The following UBA2 variants were observed in gnomAD, a reference collection of about 807,000 sequenced individuals.
UBA2 encodes SUMO-activating enzyme subunit 2.
In UBA2, 11 loss-of-function variants were observed where a neutral mutation model predicts 77.2. The observed-to-expected ratio is 0.14, with a 90% confidence interval of 0.09 to 0.24. The LOEUF is 0.24. Among genes scored for constraint, UBA2 ranks in the 10% least tolerant of loss-of-function variants. UBA2 has a pLI of 1.00. For synonymous variants in UBA2, 278 were observed against 276.7 expected, an observed-to-expected ratio of 1.00 and a Z score of -0.05; for missense variants, 487 against 781.7, an observed-to-expected ratio of 0.62 and a Z score of 4.50.
At chr19:34,440,206 C>T (rs756006157) in intron 6 of UBA2, among the ~76,000 whole-genome samples, 8 of 151,332 alleles carry the variant, frequency 5.3e-5, no homozygotes, top group African/African-American at 7.3e-5. Flanking sequence ...CATCTGTAGT[C>T]CCAGCTACTT....
At chr19:34,438,515 TA>T in intron 5 of UBA2, 129 bp from the exon 6 acceptor site, 1 of 1,138,472 alleles carries the variant, frequency 8.8e-7, no homozygotes, top group Non-Finnish European at 1.2e-6. Context: ...TTGGAGTCAC[TA>T]ATATTTTAAA....
intron 15 of UBA2, among the ~76,000 whole-genome samples, chr19:34,465,970 G>A (rs2075683153): frequency 6.6e-6 from 1 of 152,144 alleles, no homozygotes; most frequent in African/African-American, 2.4e-5. Context: ...GAAGCATGGT[G>A]TAGCTTGTAA....
chr19:34,441,742 G>A (rs892807963), intron 6 of UBA2, among the ~76,000 whole-genome samples: 3 of 151,768 alleles, frequency 2.0e-5, no homozygotes, highest in African/African-American at 2.4e-5. Context: ...GCAACATGGC[G>A]AAACCCTGTC....
Position 34,431,892 on chromosome 19 carries a change from C to G in UBA2, c.254C>G (p.Pro85Arg). 6.2e-7 allele frequency: 1 copy of G among 1,613,750 alleles called. No individual in the cohort carries two copies. The highest frequency in any genetic ancestry group is 8.5e-7 in the Non-Finnish European group (1 of 1,179,914). ...AAGGAAAGTGTACTGCAGTTTTACC[C>G]GAAAGCTAATATCGTTGCCTACCAT... ...VAKESVLQFY[P>R]KANIVAYHDS... The change falls in exon 3 of 17, where the codon CCG becomes CGG. Residue 85 changes from proline (P) to arginine (R), a missense_variant. By Grantham distance (103) the Pro-to-Arg change is moderately radical. This residue lies in a region of UBA2 where 66 missense variants were observed against 112.0 expected (regional missense o/e 0.59). Coordinates refer to ENST00000246548, the MANE Select transcript of UBA2 (RefSeq NM_005499.3).
chr19:34,455,221 G>A (rs186772872), intron 12 of UBA2, among the ~76,000 whole-genome samples: 126 of 152,188 alleles, frequency 8.3e-4, no homozygotes, highest in Admixed American at 4.6e-3. Flanking sequence ...AAACCTGCAC[G>A]TGCCCTATGT....
rs1230808289 is a variant in UBA2 at position 34,470,257 on chromosome 19, T to G, written c.*1036T>G. On this transcript the variant is annotated 3_prime_UTR_variant, in exon 17 of 17. Coordinates refer to ENST00000246548, the MANE Select transcript of UBA2 (RefSeq NM_005499.3). ...CCAGGGCGATGAGTGAAACTCCATC[T>G]CAAAAAAGGTTCAGAAGATCTCCAC... 6.6e-6 allele frequency: 1 copy of G among 152,038 alleles called. No individual in the cohort carries two copies. The highest frequency in any genetic ancestry group is 1.5e-5 in the Non-Finnish European group (1 of 68,006). 9.4% of individuals were successfully genotyped at this position (152,038 alleles called of 1,614,324 possible). A position where few individuals can be genotyped will look rare whatever the true frequency, so the allele number is the denominator to read the frequency against.
chr19:34,458,445 A>G (rs1199835428), intron 12 of UBA2, among the ~76,000 whole-genome samples: 2 of 151,262 alleles, frequency 1.3e-5, no homozygotes, highest in African/African-American at 2.4e-5. Flanking sequence ...CTGTAGTCCC[A>G]GCTACTCGGG....
intron 1 of UBA2, among the ~76,000 whole-genome samples, chr19:34,429,427 A>C (rs150967930): frequency 1.0e-3 from 152 of 152,306 alleles, no homozygotes; most frequent in Middle Eastern, 6.8e-3. Flanking sequence ...CGGGTGGCCG[A>C]CTGAGTCATT....
chr19:34,465,051 A>G (rs934960195), intron 15 of UBA2, among the ~76,000 whole-genome samples: 1 of 152,064 alleles, frequency 6.6e-6, no homozygotes, highest in Non-Finnish European at 1.5e-5. Context: ...AAAAAAAGGA[A>G]TTGTCTGTAC....
Position 34,464,028 on chromosome 19 carries a change from A to G in UBA2, c.1501A>G (p.Asn501Asp). Residue 501 changes from asparagine to aspartate, a missense_variant and splice_region_variant, in exon 15 of 17, where the codon AAT becomes GAT. By Grantham distance (23) the Asn-to-Asp change is conservative. Coordinates refer to ENST00000246548, the MANE Select transcript of UBA2 (RefSeq NM_005499.3). ...ISSEEGETEANNHKKLSEFGI... is the reference protein window; with the variant it reads ...ISSEEGETEADNHKKLSEFGI... Reference sequence around the variant, plus strand: ...TCTAAATTATTCACGTTTCCTAGCTAATAATCACAAGAAGTTGTCAGAATT... The same window carrying G: ...TCTAAATTATTCACGTTTCCTAGCTGATAATCACAAGAAGTTGTCAGAATT... 2 of 1,608,674 alleles carry G rather than the reference A, an allele frequency of 1.2e-6. No individual in the cohort carries two copies. Among genetic ancestry groups the G allele is most frequent in the Non-Finnish European group, 1.7e-6 (2 of 1,175,086 alleles).
At chr19:34,446,244 C>G (rs1232342203) in intron 8 of UBA2, among the ~76,000 whole-genome samples, 3 of 152,200 alleles carry the variant, frequency 2.0e-5, no homozygotes, top group Non-Finnish European at 4.4e-5. Context: ...AGTATTCTTG[C>G]AACTCTCACT....
intron 12 of UBA2, among the ~76,000 whole-genome samples, chr19:34,455,070 T>C (rs1407093594): frequency 4.6e-5 from 7 of 152,238 alleles, no homozygotes. Context: ...ATTAGAATTG[T>C]GTCTGGTAAT....
intron 12 of UBA2, among the ~76,000 whole-genome samples, chr19:34,457,041 A>C (rs1190674892): frequency 6.7e-6 from 1 of 150,136 alleles, no homozygotes; most frequent in Non-Finnish European, 1.5e-5. Context: ...TAATAGTAAT[A>C]TATCTGGCCG....
chr19:34,456,119 T>TTTTTTTTTTTTTTTTTTTTTTTC (rs2075559497), intron 12 of UBA2, among the ~76,000 whole-genome samples: 1 of 139,176 alleles, frequency 7.2e-6, no homozygotes. Flanking sequence ...TTTTTTTTTT[T>TTTTTTTTTTTTTTTTTTTTTTTC]TTTTTGAGGT....
chr19:34,444,018 G>C, intron 7 of UBA2, 107 bp downstream of exon 7: 1 of 432,854 alleles, frequency 2.3e-6, no homozygotes, highest in Non-Finnish European at 4.2e-6. Context: ...GCTAGGTAAT[G>C]TGTGTTTAAC....
chr19:34,469,800 T>TA lies in UBA2; in HGVS notation c.*580dup, dbSNP rs1336019133. On this transcript the variant is annotated 3_prime_UTR_variant, in exon 17 of 17. Transcript: ENST00000246548. ...TAAGAAGCCAATTTTTGTGTATTGT[T>TA]ACAGTTTCAGGTTATTTATATTCGA... 6.6e-6 allele frequency: 1 copy of TA among 152,618 alleles called. No homozygotes were observed. Among genetic ancestry groups the TA allele is most frequent in the Non-Finnish European group, 1.5e-5 (1 of 68,026 alleles). 9.5% of individuals were successfully genotyped at this position (152,618 alleles called of 1,614,324 possible). A position where few individuals can be genotyped will look rare whatever the true frequency, so the allele number is the denominator to read the frequency against.
chr19:34,464,205 G>GAAAACAC, intron 15 of UBA2, 74 bp downstream of exon 15: 2 of 1,045,042 alleles, frequency 1.9e-6, no homozygotes, highest in Non-Finnish European at 2.9e-6. Flanking sequence ...AAGGAAAAGT[G>GAAAACAC]TTTTCTTATC....
In UBA2 at chr19:34,433,495, A is replaced by T. The variant is rs530543504; in HGVS notation, c.358+83A>T. On this transcript the variant is annotated intron_variant, in intron 4 of 16. Coordinates refer to ENST00000246548, the MANE Select transcript of UBA2 (RefSeq NM_005499.3). ...TGTTTACAAATTTAATATTTATTAGACTATTGTGATTTAGAACTTAAAAGA... is the reference window on the plus strand; with the variant it reads ...TGTTTACAAATTTAATATTTATTAGTCTATTGTGATTTAGAACTTAAAAGA... 3 of 975,376 alleles carry T rather than the reference A, an allele frequency of 3.1e-6. No individual in the cohort carries two copies. The South Asian group carries it at 4.3e-5, about 14-fold the overall frequency. The allele number at this position is 975,376 out of a possible 1,614,324, so 60.4% of individuals were successfully genotyped here. A position where few individuals can be genotyped will look rare whatever the true frequency, so the allele number is the denominator to read the frequency against.
Position 34,430,650 on chromosome 19 carries a change from A to G in UBA2, c.213A>G (p.Ser71=). 1 of 1,612,998 alleles carries G rather than the reference A, an allele frequency of 6.2e-7. No individual in the cohort carries two copies. The highest frequency in any genetic ancestry group is 8.5e-7 in the Non-Finnish European group (1 of 1,179,108). Residue 71 remains serine, a synonymous_variant, in exon 2 of 17, where the codon TCA becomes TCG. Transcript: ENST00000246548. The part of the protein sequence containing the change: ...FLFQKKHVGR[S]KAQVAKESVL... ...TTCAAAAGAAACATGTTGGAAGATC[A>G]AAGGCACAGGTAACTATATTTCTCA... is the stretch of plus-strand genomic sequence containing the variant.
Sources: allele counts gnomAD v4.1 joint callset (sites outside exome capture counted in the v4.1 genomes callset), GRCh38; gene constraint gnomAD v4.1.1; regional missense constraint gnomAD v4.1.1; transcripts MANE v1.5; gene names NCBI Gene and HGNC (gene_info 2026-07-23, HGNC 2026-07-21).